Variants in TBC1D19 observed in about 807,000 individuals in gnomAD.
The protein encoded by TBC1D19 is TBC1 domain family, member 19.
In TBC1D19, 60 loss-of-function variants were observed where a neutral mutation model predicts 89.0. The observed-to-expected ratio is 0.67, with a 90% CI of 0.55 to 0.84. TBC1D19 has a LOEUF of 0.84. Among genes scored for constraint, TBC1D19 ranks in the 40% least tolerant of loss-of-function variants. The pLI is 0.00. For missense variants in TBC1D19, 500 were observed against 610.8 expected (o/e 0.82, Z 1.91); for synonymous variants, 189 against 199.7 (o/e 0.95, Z 0.45).
chr4:26,840,523 G>C, the TBC1D19 span, among the ~76,000 whole-genome samples: 2 of 152,134 alleles, frequency 1.3e-5, no homozygotes, highest in African/African-American at 4.8e-5. Flanking sequence ...TATAGGTTCT[G>C]CCTATTTGTT....
chr4:26,576,704 G>A (rs1738982083), exon 1 of TBC1D19: 2 of 456,118 alleles, frequency 4.4e-6, no homozygotes, highest in Non-Finnish European at 8.8e-6. Flanking sequence ...ACGGACAGAA[G>A]AACAACACAG....
chr4:26,717,957 A>C lies in TBC1D19; in HGVS notation c.979A>C (p.Thr327Pro), dbSNP rs769550724. 3.1e-6 allele frequency: 5 copies of C among 1,612,082 alleles called. No homozygotes were observed. Residue 327 changes from threonine (T) to proline (P), a missense_variant, in exon 14 of 21, where the codon ACA becomes CCA. By Grantham distance (38) the Thr-to-Pro change is conservative. Transcript: ENST00000264866. ...YQVLLCFSRDTSVLSHFAFNS... is the reference protein window; with the variant it reads ...YQVLLCFSRDPSVLSHFAFNS... Reference sequence around the variant, plus strand: ...GGTATTACTTTGTTTTTCCCGGGATACATCTGTGTTGAGTCACTTTGCATT... The same window carrying C: ...GGTATTACTTTGTTTTTCCCGGGATCCATCTGTGTTGAGTCACTTTGCATT...
At chr4:26,835,758 A>G in the TBC1D19 span, among the ~76,000 whole-genome samples, 1 of 152,114 alleles carries the variant, frequency 6.6e-6, no homozygotes, top group Non-Finnish European at 1.5e-5. Flanking sequence ...CTAAATGAAA[A>G]CCTGATCATG....
the TBC1D19 span, among the ~76,000 whole-genome samples, chr4:26,777,513 A>G: frequency 4.6e-5 from 7 of 151,818 alleles, no homozygotes; most frequent in African/African-American, 1.7e-4. Context: ...ATCTTGGCTC[A>G]CTGTAACCTC....
At chr4:26,782,348 G>A in the TBC1D19 span, among the ~76,000 whole-genome samples, 251 of 152,218 alleles carry the variant, frequency 1.6e-3, 1 homozygote, top group Middle Eastern at 0.01. Context: ...GGTTTTTATC[G>A]CAGTTAGAGT....
At chr4:26,708,126 T>C (rs1434295662) in intron 13 of TBC1D19, among the ~76,000 whole-genome samples, 1 of 152,128 alleles carries the variant, frequency 6.6e-6, no homozygotes, top group Admixed American at 6.6e-5. Context: ...TTGTATCTTT[T>C]CATTTTACTC....
At chr4:26,673,446 T>TACACACACACACACACAC (rs61054571) in intron 10 of TBC1D19, among the ~76,000 whole-genome samples, 140 of 90,870 alleles carry the variant, frequency 1.5e-3, no homozygotes, top group African/African-American at 5.7e-3. Flanking sequence ...TATATATATA[T>TACACACACACACACACAC]ACACACACAC....
At chr4:26,591,768 C>G (rs1739826207) in intron 1 of TBC1D19, among the ~76,000 whole-genome samples, 1 of 152,224 alleles carries the variant, frequency 6.6e-6, no homozygotes, top group Non-Finnish European at 1.5e-5. Context: ...GACACATACA[C>G]TCTCCCAAGA....
chr4:26,720,197 T>C (rs1716887613), intron 15 of TBC1D19, 72 bp downstream of exon 15: 1 of 1,180,444 alleles, frequency 8.5e-7, no homozygotes, highest in East Asian at 2.4e-5. Context: ...AAATGTGACT[T>C]TCTTATTCTC....
the TBC1D19 span, among the ~76,000 whole-genome samples, chr4:26,849,423 T>A: frequency 5.8e-4 from 88 of 152,354 alleles, no homozygotes; most frequent in African/African-American, 2.0e-3. Flanking sequence ...TAGCCTTTAA[T>A]TTGGTAATAC....
intron 18 of TBC1D19, among the ~76,000 whole-genome samples, chr4:26,747,493 TTAAGA>T (rs1305662758): frequency 6.6e-6 from 1 of 152,212 alleles, no homozygotes; most frequent in Non-Finnish European, 1.5e-5. Context: ...TTTTTCAGTC[TTAAGA>T]TAATTAATAC....
chr4:26,618,119 C>G (rs1458890458), intron 3 of TBC1D19, among the ~76,000 whole-genome samples: 1 of 152,170 alleles, frequency 6.6e-6, no homozygotes, highest in East Asian at 1.9e-4. Context: ...TGTATGTTTG[C>G]TATTGTGCAC....
intron 4 of TBC1D19, among the ~76,000 whole-genome samples, chr4:26,621,868 A>G (rs894458862): frequency 1.3e-5 from 2 of 152,116 alleles, no homozygotes; most frequent in Non-Finnish European, 2.9e-5. Flanking sequence ...GATAGACTGG[A>G]TTAAGAAATT....
intron 16 of TBC1D19, 146 bp downstream of exon 16, chr4:26,735,633 C>A: frequency 1.7e-6 from 1 of 601,610 alleles, no homozygotes; most frequent in Non-Finnish European, 2.6e-6. Flanking sequence ...GCTAGTTCCC[C>A]ATAGGGGCTT....
chr4:26,829,932 G>A, the TBC1D19 span, among the ~76,000 whole-genome samples: 1 of 152,150 alleles, frequency 6.6e-6, no homozygotes, highest in Non-Finnish European at 1.5e-5. Flanking sequence ...CTCCAGTGGG[G>A]AGGCATCTTA....
the TBC1D19 span, among the ~76,000 whole-genome samples, chr4:26,834,798 A>G: frequency 6.6e-6 from 1 of 152,112 alleles, no homozygotes; most frequent in African/African-American, 2.4e-5. Context: ...GGGAGACCCC[A>G]TCTACGTTCA....
At chr4:26,797,830 C>T in the TBC1D19 span, among the ~76,000 whole-genome samples, 1 of 152,168 alleles carries the variant, frequency 6.6e-6, no homozygotes, top group Non-Finnish European at 1.5e-5. Context: ...GCTGGGAAAA[C>T]TAGCTCGACA....
rs545316714 is a variant in TBC1D19, at chr4:26,588,121, G to A, written c.99+3829G>A. ...GCTCACTGCAAGCTCCGCCTCCCGG[G>A]TTCACGCCATTCTTCTACCTCAGCC... is the stretch of plus-strand genomic sequence containing the variant. On this transcript the variant is annotated intron_variant, in intron 1 of 20. Transcript: ENST00000264866. Among the ~76,000 whole-genome samples, 325 of 151,292 alleles carry A rather than the reference G, an allele frequency of 2.1e-3. 1 individual carries two copies. Among genetic ancestry groups the A allele is most frequent in the Non-Finnish European group, 2.7e-3 (183 of 67,876 alleles).
At chr4:26,819,862 C>T in the TBC1D19 span, among the ~76,000 whole-genome samples, 1 of 152,204 alleles carries the variant, frequency 6.6e-6, no homozygotes, top group African/African-American at 2.4e-5. Flanking sequence ...TCAAATATCT[C>T]ATGACTCAGA....
Sources: gnomAD v4.1 joint callset for allele counts (sites outside exome capture counted in the v4.1 genomes callset) on GRCh38, gnomAD v4.1.1 for gene constraint, MANE v1.5 for transcripts, NCBI Gene and HGNC (gene_info 2026-07-23, HGNC 2026-07-21) for gene names.